COL22A1: variants seen among roughly 807,000 people sequenced by gnomAD.
COL22A1 encodes collagen type XXII alpha 1 chain.
In COL22A1, 221 loss-of-function variants were observed where a neutral mutation model predicts 248.9. The observed-to-expected ratio is 0.89, with a 90% CI of 0.80 to 0.99. The LOEUF (loss-of-function observed/expected upper bound fraction) is 0.99. Among genes scored for constraint, COL22A1 ranks in the 50% least tolerant of loss-of-function variants. The pLI, the probability that COL22A1 is intolerant of heterozygous loss-of-function variation, is 0.00. For synonymous variants in COL22A1, 891 were observed against 793.4 expected (o/e 1.12, Z -2.07); for missense variants, 2,240 against 2,179.0 (o/e 1.03, Z -0.56).
intron 47 of COL22A1, among the ~76,000 whole-genome samples, chr8:138,638,307 A>G (rs182571503): frequency 7.4e-4 from 112 of 152,320 alleles, no homozygotes; most frequent in African/African-American, 2.5e-3. Context: ...CTGTAGGTCA[A>G]TCTTTGTTGT....
chr8:138,679,718 T>C (rs1825818822), intron 39 of COL22A1, 42 bp from the exon 40 acceptor site: 2 of 1,570,890 alleles, frequency 1.3e-6, no homozygotes, highest in Non-Finnish European at 1.8e-6. Context: ...ACCAAACAAA[T>C]GTTTACCAAG....
At chr8:138,652,476 G>T (rs763523274) in intron 45 of COL22A1, among the ~76,000 whole-genome samples, 1 of 152,122 alleles carries the variant, frequency 6.6e-6, no homozygotes, top group South Asian at 2.1e-4. Flanking sequence ...TCAGATGACC[G>T]TGATCATCAA....
chr8:138,851,443 C>T (rs1195127315), intron 3 of COL22A1, among the ~76,000 whole-genome samples: 2 of 152,216 alleles, frequency 1.3e-5, no homozygotes, highest in Non-Finnish European at 2.9e-5. Flanking sequence ...GGAGAGCTCA[C>T]TCTGCCAGGT....
chr8:138,726,412 G>T (rs1563674451), intron 23 of COL22A1, among the ~76,000 whole-genome samples: 1 of 149,936 alleles, frequency 6.7e-6, no homozygotes, highest in Non-Finnish European at 1.5e-5. Context: ...CGAGAGGATT[G>T]TTTGAGACTG....
chr8:138,844,819 A>G (rs573782618), intron 3 of COL22A1, among the ~76,000 whole-genome samples: 2 of 151,946 alleles, frequency 1.3e-5, no homozygotes, highest in African/African-American at 2.4e-5. Flanking sequence ...GCGTGGTGGC[A>G]GGCGCCTGTA....
chr8:138,788,014 G>A lies in COL22A1; in HGVS notation c.1597-7034C>T, dbSNP rs185159255. On this transcript the variant is annotated intron_variant, in intron 12 of 64. Transcript: ENST00000303045. ...ATTTCTAAATGTTAACAAAAAGATC[G>A]TTGCATTGCTAGAGGTGCTGTTACT... Among the ~76,000 whole-genome samples the A allele has an allele frequency of 9.2e-5, 14 of 152,168 alleles. No homozygotes were observed. The East Asian group carries it at 1.3e-3, about 15-fold the overall frequency.
At chr8:138,888,038 C>T (rs890610118) in intron 1 of COL22A1, among the ~76,000 whole-genome samples, 1 of 152,186 alleles carries the variant, frequency 6.6e-6, no homozygotes, top group African/African-American at 2.4e-5. Context: ...TGTGGCTGTA[C>T]ATTTCTAAAC....
At chr8:138,614,292 C>T (rs1352675146) in intron 55 of COL22A1, among the ~76,000 whole-genome samples, 1 of 152,186 alleles carries the variant, frequency 6.6e-6, no homozygotes, top group Non-Finnish European at 1.5e-5. Flanking sequence ...ATGTCTGAGT[C>T]ACCAGGGTGA....
chr8:138,618,874 G>A (rs750053121), intron 53 of COL22A1, among the ~76,000 whole-genome samples: 37 of 152,084 alleles, frequency 2.4e-4, no homozygotes, highest in Non-Finnish European at 4.9e-4. Context: ...AACAATATCT[G>A]TGTCTGTTTA....
At chr8:138,820,608 T>C (rs1459269380) in intron 7 of COL22A1, among the ~76,000 whole-genome samples, 1 of 152,174 alleles carries the variant, frequency 6.6e-6, no homozygotes. Context: ...TTATTGTTTA[T>C]TTTCCACATA....
intron 48 of COL22A1, among the ~76,000 whole-genome samples, chr8:138,635,930 C>T (rs117387828): frequency 6.6e-6 from 1 of 152,284 alleles, no homozygotes; most frequent in East Asian, 1.9e-4. Context: ...CACTGAACTG[C>T]AAGCCCAGTG....
Position 138,883,113 on chromosome 8 carries a change from A to AC in COL22A1, c.59dup (p.Ser20ArgfsTer36), listed in dbSNP as rs1824368189. 3.8e-6 allele frequency: 6 copies of AC among 1,595,010 alleles called. 1 individual carries two copies. Among genetic ancestry groups the AC allele is most frequent in the Non-Finnish European group, 8.5e-7 (1 of 1,172,238 alleles). ...GCTGAGCCTGGCAGCCGCCGCCCCC[A>AC]CTCCACAGCAGCAGCATCCAGAGGA... On this transcript the variant is annotated frameshift_variant, in exon 2 of 65. Coordinates refer to ENST00000303045, the MANE Select transcript of COL22A1 (RefSeq NM_152888.3). LOFTEE classifies it high-confidence loss of function.
intron 6 of COL22A1, among the ~76,000 whole-genome samples, chr8:138,825,350 C>T (rs1440197265): frequency 1.3e-5 from 2 of 152,154 alleles, no homozygotes; most frequent in African/African-American, 2.4e-5. Context: ...AGGCTTGGAA[C>T]AGAAGCCAGC....
intron 9 of COL22A1, 101 bp downstream of exon 9, chr8:138,811,698 T>A: frequency 7.1e-7 from 1 of 1,416,616 alleles, no homozygotes; most frequent in South Asian, 1.2e-5. Context: ...GCCATGGGCC[T>A]CCTGGTGCCC....
chr8:138,849,738 T>G (rs1821494004), intron 3 of COL22A1, among the ~76,000 whole-genome samples: 1 of 152,226 alleles, frequency 6.6e-6, no homozygotes, highest in South Asian at 2.1e-4. Context: ...ATTCATTGGC[T>G]TATGCAACGG....
chr8:138,652,345 G>A (rs941388670), intron 45 of COL22A1, among the ~76,000 whole-genome samples: 1 of 152,168 alleles, frequency 6.6e-6, no homozygotes, highest in Admixed American at 6.5e-5. Flanking sequence ...GACAATTAAT[G>A]GAAAATGCCT....
chr8:138,696,562 C>A (rs746243017), intron 32 of COL22A1, among the ~76,000 whole-genome samples: 1 of 152,206 alleles, frequency 6.6e-6, no homozygotes, highest in Non-Finnish European at 1.5e-5. Context: ...AGAGGCCTTG[C>A]AGCCATGGTT....
At chr8:138,643,747 T>A (rs139941544) in intron 47 of COL22A1, among the ~76,000 whole-genome samples, 120 of 152,280 alleles carry the variant, frequency 7.9e-4, no homozygotes, top group African/African-American at 2.8e-3. Flanking sequence ...TCACCCAGGC[T>A]GGAGTGCAGT....
At chr8:138,631,895 G>C (rs1165670510) in intron 49 of COL22A1, among the ~76,000 whole-genome samples, 2 of 151,946 alleles carry the variant, frequency 1.3e-5, no homozygotes, top group Non-Finnish European at 2.9e-5. Flanking sequence ...CATTTATTTA[G>C]TGTTCCTCAT....
Sources: allele counts gnomAD v4.1 joint callset (sites outside exome capture counted in the v4.1 genomes callset), GRCh38; gene constraint gnomAD v4.1.1; transcripts MANE v1.5; gene names NCBI Gene and HGNC (gene_info 2026-07-23, HGNC 2026-07-21).